Variants in DHX36 observed in about 807,000 individuals in gnomAD.
DHX36 encodes the protein ATP-dependent DNA/RNA helicase DHX36.
In DHX36, 50 loss-of-function variants were observed where a neutral mutation model predicts 139.0. The observed-to-expected ratio is 0.36, with a 90% CI of 0.29 to 0.46. The LOEUF (loss-of-function observed/expected upper bound fraction) is 0.46, where lower values mean the gene tolerates loss of function less well. Ranked by LOEUF, DHX36 falls within the 20% of genes least tolerant of loss-of-function variation. The pLI is 1.00. For missense variants in DHX36, 1,024 were observed against 1,211.3 expected (o/e 0.85, Z 2.29); for synonymous variants, 425 against 401.9 (o/e 1.06, Z -0.69).
intron 22 of DHX36, 28 bp downstream of exon 22, chr3:154,280,551 G>A (rs1719300597): frequency 6.7e-7 from 1 of 1,483,352 alleles, no homozygotes; most frequent in African/African-American, 1.4e-5. Flanking sequence ...AGAATTACGA[G>A]TAATTAATAA....
Position 154,316,088 on chromosome 3 carries a change from C to A in DHX36, c.319G>T (p.Asp107Tyr), listed in dbSNP as rs1412003608. The change falls in exon 2 of 25, where the codon GAT becomes TAT. Residue 107 changes from aspartate (D) to tyrosine (Y), a missense_variant. Asp to Tyr is a radical substitution (Grantham distance 160, BLOSUM62 -3). Around this residue, in one of 4 missense-constraint regions of DHX36, gnomAD observed 293 missense variants for 274.4 expected, o/e 1.07. Coordinates refer to ENST00000496811, the MANE Select transcript of DHX36 (RefSeq NM_020865.3). ...QLLNSVQAKNDKESEAQISWF... is the reference protein window; with the variant it reads ...QLLNSVQAKNYKESEAQISWF... ...GATATCTGTGCTTCTGACTCTTTAT[C>A]ATTCTTCGCTTGAACAGAATTCAGT... The A allele has an allele frequency of 3.1e-6, 5 of 1,613,188 alleles. No homozygotes were observed. Among genetic ancestry groups the A allele is most frequent in the African/African-American group, 1.3e-5 (1 of 74,874 alleles).
At position 154,276,342 on chromosome 3, in the gene DHX36, T is replaced by C. The variant is rs1719149000; in HGVS notation, c.2856A>G (p.Glu952=). ...IAHLVKELRK[E]LDILLQEKIE... ...TCTTCTCTTGCAGAAGAATATCTAG[T>C]TCCTTTCTTAATTCCTAAGGTTGGA... The change falls in exon 25 of 25, where the codon GAA becomes GAG. Residue 952 remains glutamate (E), a synonymous_variant. Coordinates refer to ENST00000496811, the MANE Select transcript of DHX36 (RefSeq NM_020865.3). The C allele has an allele frequency of 6.2e-7, 1 of 1,610,878 alleles. No homozygotes were observed.
intron 17 of DHX36, among the ~76,000 whole-genome samples, chr3:154,287,340 GAT>G (rs1367554635): frequency 1.3e-5 from 2 of 152,132 alleles, no homozygotes; most frequent in African/African-American, 4.8e-5. Context: ...CTTTGAGAAT[GAT>G]ACATCTTACT....
At position 154,273,096 on chromosome 3, in the gene DHX36, C is replaced by T. The variant is rs1326701133; in HGVS notation, c.*3075G>A. On this transcript the variant is annotated 3_prime_UTR_variant, in exon 25 of 25. Transcript: ENST00000496811. ...TCAGGTTTTTTTTTTAAGAGTTATT[C>T]TCTGCATTACTCAAAATGATGAATC... The T allele has an allele frequency of 6.6e-6, 1 of 151,158 alleles. No homozygotes were observed. The highest frequency in any genetic ancestry group is 6.6e-5 in the Admixed American group (1 of 15,184). The allele number at this position is 151,158 out of a possible 1,614,324, so 9.4% of individuals were successfully genotyped here. A position where few individuals can be genotyped will look rare whatever the true frequency, so the allele number is the denominator to read the frequency against.
In DHX36 at chr3:154,299,901, G is replaced by A. The variant is rs867985484; in HGVS notation, c.1486C>T (p.Pro496Ser). 1 of 1,613,412 alleles carries A rather than the reference G, an allele frequency of 6.2e-7. No individual in the cohort carries two copies. ...AAAGTGCTGATATTGTCCCAGCCTG[G>A]CAGAAAGACCAGTATCGCACCATCC... The part of the protein sequence containing the change: ...EEDGAILVFL[P>S]GWDNISTLHD... The change falls in exon 12 of 25, where the codon CCA becomes TCA. Residue 496 changes from proline (P) to serine (S), a missense_variant. Pro to Ser is a moderately conservative substitution (Grantham distance 74). Transcript: ENST00000496811.
intron 3 of DHX36, 170 bp downstream of exon 3, chr3:154,314,874 AAC>A (rs762426818): frequency 5.2e-6 from 3 of 573,944 alleles, no homozygotes; most frequent in Non-Finnish European, 9.3e-6. Flanking sequence ...GGTTATGTGT[AAC>A]TTCCATTCCC....
chr3:154,292,482 C>T, intron 15 of DHX36, 69 bp downstream of exon 15: 2 of 1,575,036 alleles, frequency 1.3e-6, no homozygotes, highest in Non-Finnish European at 1.7e-6. Context: ...TCTTTAAATG[C>T]CAACATCACA....
chr3:154,316,016 T>TA (rs748526689), intron 2 of DHX36, 23 bp downstream of exon 2: 1 of 1,604,882 alleles, frequency 6.2e-7, no homozygotes, highest in Admixed American at 1.7e-5. Flanking sequence ...GCCTATTCTT[T>TA]AAAAAAATAT....
chr3:154,287,810 G>C (rs1453336126), intron 17 of DHX36, among the ~76,000 whole-genome samples: 1 of 152,112 alleles, frequency 6.6e-6, no homozygotes, highest in South Asian at 2.1e-4. Flanking sequence ...GAAGACACTA[G>C]CAATTTATGA....
At chr3:154,306,624 G>A (rs1357905953) in intron 5 of DHX36, among the ~76,000 whole-genome samples, 1 of 152,116 alleles carries the variant, frequency 6.6e-6, no homozygotes, top group African/African-American at 2.4e-5. Context: ...GAAGTTATGT[G>A]TAATTTGAAA....
At chr3:154,296,324 C>T (rs908252722) in intron 12 of DHX36, among the ~76,000 whole-genome samples, 1 of 151,980 alleles carries the variant, frequency 6.6e-6, no homozygotes, top group Non-Finnish European at 1.5e-5. Flanking sequence ...AATACAAAAA[C>T]TTAGCTGGGC....
chr3:154,293,219 A>C (rs955500447), intron 14 of DHX36, among the ~76,000 whole-genome samples: 2 of 152,200 alleles, frequency 1.3e-5, no homozygotes, highest in East Asian at 3.8e-4. Context: ...TTAGGAAAAC[A>C]AAACAAACAA....
intron 14 of DHX36, 93 bp from the exon 15 acceptor site, chr3:154,292,787 G>T: frequency 1.3e-6 from 2 of 1,486,824 alleles, no homozygotes; most frequent in Non-Finnish European, 1.8e-6. Context: ...ACCTATAAAA[G>T]ACCAATAAAT....
intron 4 of DHX36, 34 bp downstream of exon 4, chr3:154,311,602 A>T (rs1712765255): frequency 6.4e-7 from 1 of 1,566,460 alleles, no homozygotes. Flanking sequence ...TTTAATTTGC[A>T]AATCAAATTA....
Position 154,304,816 on chromosome 3 carries a change from T to C in DHX36, c.1125A>G (p.Ser375=), listed in dbSNP as rs1191654012. 6.4e-7 allele frequency: 1 copy of C among 1,560,304 alleles called. No homozygotes were observed. The highest frequency in any genetic ancestry group is 2.3e-5 in the East Asian group (1 of 44,324). The change falls in exon 8 of 25, where the codon TCA becomes TCG. Residue 375 remains serine (S), a synonymous_variant. Transcript: ENST00000496811. ...MSATLNAEKF[S]EYFGNCPMIH... is the part of the protein sequence containing the mutation. ...ATACATTTTACTCACCAAAATATTC[T>C]GAAAACTTTTCTGCATTCAATGTTG...
At chr3:154,319,888 G>A (rs1713124698) in intron 1 of DHX36, among the ~76,000 whole-genome samples, 1 of 152,120 alleles carries the variant, frequency 6.6e-6, no homozygotes, top group East Asian at 1.9e-4. Flanking sequence ...AAACCCTCTC[G>A]TGAATTCCCC....
At chr3:154,317,657 C>T (rs1559960915) in intron 1 of DHX36, among the ~76,000 whole-genome samples, 1 of 152,032 alleles carries the variant, frequency 6.6e-6, no homozygotes, top group Non-Finnish European at 1.5e-5. Context: ...GAAAAAATTA[C>T]TACTGTATCC....
intron 5 of DHX36, among the ~76,000 whole-genome samples, chr3:154,308,374 A>G (rs1712593896): frequency 6.6e-6 from 1 of 152,232 alleles, no homozygotes; most frequent in Admixed American, 6.5e-5. Context: ...TAGACATGTG[A>G]TAAGCAGCAC....
chr3:154,281,659 G>C (rs1719340442), intron 20 of DHX36, among the ~76,000 whole-genome samples: 1 of 152,060 alleles, frequency 6.6e-6, no homozygotes, highest in Admixed American at 6.5e-5. Context: ...ATTCCTTTTA[G>C]AGATTATGAA....
Sources: allele counts gnomAD v4.1 joint callset (sites outside exome capture counted in the v4.1 genomes callset), GRCh38; gene constraint gnomAD v4.1.1; regional missense constraint gnomAD v4.1.1; transcripts MANE v1.5; gene names NCBI Gene and HGNC (gene_info 2026-07-23, HGNC 2026-07-21).